The following FIG4 variants were observed in gnomAD, a reference collection of about 807,000 sequenced individuals.
FIG4 encodes the protein FIG4 phosphoinositide 5-phosphatase, also known as polyphosphoinositide phosphatase.
FIG4 carries 112 observed loss-of-function variants against 118.6 expected under a neutral mutation model. The ratio of observed to expected loss-of-function variants is 0.94; its 90% CI spans 0.81 to 1.11. FIG4 has a LOEUF of 1.11. Among genes scored for constraint, FIG4 ranks in the 50% least tolerant of loss-of-function variants. The probability of loss-of-function intolerance (pLI) is 0.00; values close to 1 mark genes in which losing one functional copy is unlikely to be tolerated. For missense variants in FIG4, 969 were observed against 1,111.7 expected, an observed-to-expected ratio of 0.87 and a Z score of 1.83; for synonymous variants, 369 against 381.2, an observed-to-expected ratio of 0.97 and a Z score of 0.37.
chr6:109,793,118 A>AAATG lies in FIG4; in HGVS notation c.2459+455_2459+458dup, dbSNP rs544570594. 1.4e-4 allele frequency among the ~76,000 whole-genome samples: 22 copies of AAATG among 152,364 alleles called. No homozygotes were observed. In the East Asian group the frequency reaches 4.2e-3, roughly 29 times the overall value. ...GATTTATATACAGAGTTAAAGTGCTAAATGCCTGAGACTCTGCCCCTCAAT... is the reference window on the plus strand; with the variant it reads ...GATTTATATACAGAGTTAAAGTGCTAAATGAATGCCTGAGACTCTGCCCCTCAAT... On this transcript the variant is annotated intron_variant, in intron 21 of 22. Transcript: ENST00000230124.
intron 4 of FIG4, among the ~76,000 whole-genome samples, chr6:109,729,051 T>C (rs115446297): frequency 0.028 from 4,289 of 152,226 alleles, 76 homozygotes; most frequent in African/African-American, 0.054. Context: ...TTAATACTTA[T>C]AAAACTATAT....
At position 109,694,451 on chromosome 6, in the gene FIG4, G is replaced by A. The variant is rs556917642; in HGVS notation, c.66+2950G>A. Among the ~76,000 whole-genome samples the A allele has an allele frequency of 3.9e-5, 6 of 152,284 alleles. 1 individual carries two copies. Among genetic ancestry groups the A allele is most frequent in the Admixed American group, 3.9e-4 (6 of 15,296 alleles). ...ACAGATCAACTTAAAATGGATTAAA[G>A]GCTTAAGTGCAAGACCCAAAACTGT... On this transcript the variant is annotated intron_variant, in intron 1 of 22. Coordinates refer to ENST00000230124, the MANE Select transcript of FIG4 (RefSeq NM_014845.6).
At chr6:109,792,344 C>T (rs1413781764) in intron 20 of FIG4, among the ~76,000 whole-genome samples, 3 of 152,192 alleles carry the variant, frequency 2.0e-5, no homozygotes, top group African/African-American at 7.2e-5. Context: ...CTGCATTATA[C>T]AAAAACACCT....
chr6:109,701,937 A>G (rs560323609), intron 1 of FIG4, among the ~76,000 whole-genome samples: 10 of 152,328 alleles, frequency 6.6e-5, no homozygotes, highest in African/African-American at 2.4e-4. Flanking sequence ...AAGCTTCCCC[A>G]GAGTAAAGCC....
At chr6:109,813,889 A>G (rs1416075358) in intron 22 of FIG4, among the ~76,000 whole-genome samples, 1 of 152,204 alleles carries the variant, frequency 6.6e-6, no homozygotes, top group African/African-American at 2.4e-5. Context: ...AACTTGGAAG[A>G]GGATGCTCCA....
rs113802671 is a variant in FIG4 at position 109,693,898 on chromosome 6, GGTTTTGTTTT to G, written c.66+2413_66+2422del. Among the ~76,000 whole-genome samples the G allele has an allele frequency of 1.8e-4, 27 of 150,490 alleles. No individual in the cohort carries two copies. In the East Asian group the frequency reaches 2.3e-3, roughly 13 times the overall value. ...TTTTGGTTAAAGATATAAGCAGAAAGGTTTTGTTTTGTTTTGTTTTGTTTTTACTAATAAG... is the reference window on the plus strand; with the variant it reads ...TTTTGGTTAAAGATATAAGCAGAAAGGTTTTGTTTTGTTTTTACTAATAAG... On this transcript the variant is annotated intron_variant, in intron 1 of 22. Transcript: ENST00000230124.
At chr6:109,746,148 G>T (rs1205849048) in intron 10 of FIG4, among the ~76,000 whole-genome samples, 2 of 152,160 alleles carry the variant, frequency 1.3e-5, no homozygotes, top group African/African-American at 4.8e-5. Flanking sequence ...ATGGGGAAAG[G>T]ATTCCCTATT....
intron 10 of FIG4, among the ~76,000 whole-genome samples, chr6:109,756,981 A>T (rs2128390206): frequency 6.6e-6 from 1 of 152,280 alleles, no homozygotes; most frequent in East Asian, 1.9e-4. Context: ...GCTGGTGAGG[A>T]ACTGCATTCC....
At position 109,808,890 on chromosome 6, in the gene FIG4, AT is replaced by A. The variant is rs1222406691; in HGVS notation, c.2546+12040del. On this transcript the variant is annotated intron_variant, in intron 22 of 22. Coordinates refer to ENST00000230124, the MANE Select transcript of FIG4 (RefSeq NM_014845.6). ...AGTCTTAACAAATGTGATTTTTTTG[AT>A]GTATAATCAGATATGTTACCATTTA... Among the ~76,000 whole-genome samples the A allele has an allele frequency of 3.9e-5, 6 of 152,222 alleles. No individual in the cohort carries two copies. The East Asian group carries it at 1.2e-3, about 29-fold the overall frequency.
chr6:109,803,171 G>C (rs764806331), intron 22 of FIG4, among the ~76,000 whole-genome samples: 2 of 152,192 alleles, frequency 1.3e-5, no homozygotes, highest in East Asian at 3.8e-4. Context: ...TCAGGGGAGC[G>C]ATAGGCTTAC....
chr6:109,790,575 C>T (rs1255863980), intron 19 of FIG4, among the ~76,000 whole-genome samples: 1 of 152,168 alleles, frequency 6.6e-6, no homozygotes, highest in Non-Finnish European at 1.5e-5. Context: ...TTGTTTTCTG[C>T]AATATCTAAC....
At chr6:109,820,826 C>T (rs569414996) in intron 22 of FIG4, among the ~76,000 whole-genome samples, 2 of 152,238 alleles carry the variant, frequency 1.3e-5, no homozygotes, top group African/African-American at 4.8e-5. Flanking sequence ...AGTATCCTCA[C>T]TCACCCCCAA....
intron 1 of FIG4, among the ~76,000 whole-genome samples, chr6:109,699,706 G>A (rs1488653286): frequency 6.6e-6 from 1 of 152,022 alleles, no homozygotes; most frequent in African/African-American, 2.4e-5. Context: ...ATTTCACCAT[G>A]TTGGCTAGCC....
intron 10 of FIG4, among the ~76,000 whole-genome samples, chr6:109,755,242 C>T (rs1180850412): frequency 4.6e-5 from 7 of 152,050 alleles, no homozygotes; most frequent in Non-Finnish European, 7.4e-5. Context: ...TGTAGTTGAG[C>T]GGTTTTGAGT....
intron 22 of FIG4, among the ~76,000 whole-genome samples, chr6:109,821,355 A>G (rs931608692): frequency 6.6e-6 from 1 of 152,212 alleles, no homozygotes; most frequent in African/African-American, 2.4e-5. Flanking sequence ...TGCAAAACTA[A>G]TTTTGCACAA....
At chr6:109,732,376 C>T (rs886335389) in intron 4 of FIG4, among the ~76,000 whole-genome samples, 1 of 152,154 alleles carries the variant, frequency 6.6e-6, no homozygotes, top group Non-Finnish European at 1.5e-5. Context: ...TGCTGTGCCC[C>T]CTACATGTAG....
chr6:109,719,541 G>A (rs902584751), intron 3 of FIG4, among the ~76,000 whole-genome samples: 4 of 151,842 alleles, frequency 2.6e-5, no homozygotes, highest in African/African-American at 9.7e-5. Context: ...ATGCCGCCAC[G>A]CCCGGCTAAT....
chr6:109,819,501 C>G (rs556499584), intron 22 of FIG4, among the ~76,000 whole-genome samples: 61 of 152,308 alleles, frequency 4.0e-4, no homozygotes, highest in African/African-American at 1.5e-3. Flanking sequence ...CAGAGTCTTA[C>G]TCTGTTGTCC....
At chr6:109,786,035 T>G (rs1247092665) in intron 17 of FIG4, 4 of 472,590 alleles carry the variant, frequency 8.5e-6, no homozygotes, top group Admixed American at 3.6e-5. Flanking sequence ...GAACCTCCTC[T>G]AAATAACTGC....
Sources: gnomAD v4.1 joint callset for allele counts (sites outside exome capture counted in the v4.1 genomes callset) on GRCh38, gnomAD v4.1.1 for gene constraint, MANE v1.5 for transcripts, NCBI Gene and HGNC (gene_info 2026-07-23, HGNC 2026-07-21) for gene names.